FANCB: variants seen among roughly 807,000 people sequenced by gnomAD.
FANCB encodes the protein FA complementation group B.
FANCB carries 5 observed loss-of-function variants against 38.9 expected under a neutral mutation model. That is an observed-to-expected ratio of 0.13 (90% confidence interval 0.07 to 0.27). The LOEUF is 0.27. FANCB is among the 10% of genes least tolerant of loss of function. The probability of loss-of-function intolerance (pLI) is 1.00; values close to 1 mark genes in which losing one functional copy is unlikely to be tolerated. For missense variants in FANCB, 573 were observed against 602.7 expected (o/e 0.95, Z 0.52); for synonymous variants, 236 against 215.4 (o/e 1.10, Z -0.84).
At chrX:14,730,748 A>G in the FANCB span, 1 of 331,529 alleles carries the variant, frequency 3.0e-6, no homozygotes, top group East Asian at 5.5e-5. Context: ...TCTTTCAGTC[A>G]GACATGATAT....
the FANCB span, among the ~76,000 whole-genome samples, chrX:14,709,190 C>T: frequency 5.1e-4 from 57 of 110,964 alleles, no homozygotes; most frequent in African/African-American, 1.1e-3. Flanking sequence ...GCTATGATCA[C>T]GGCACTGCAC....
the FANCB span, among the ~76,000 whole-genome samples, chrX:14,700,082 C>T: frequency 2.7e-5 from 3 of 110,910 alleles, no homozygotes; most frequent in Non-Finnish European, 5.7e-5. Flanking sequence ...TACAACAGAC[C>T]CCCAGTTACA....
chrX:14,827,585 C>A, the FANCB span, among the ~76,000 whole-genome samples: 2 of 111,613 alleles, frequency 1.8e-5, no homozygotes, highest in Non-Finnish European at 3.8e-5. Context: ...ACCAAAGAAG[C>A]CACAGTGATG....
chrX:14,740,966 A>G, the FANCB span, among the ~76,000 whole-genome samples: 3 of 110,640 alleles, frequency 2.7e-5, no homozygotes, highest in Non-Finnish European at 5.7e-5. Context: ...ACATGCACAC[A>G]CACACACACG....
At chrX:14,860,589 A>T (rs2092442592) in intron 3 of FANCB, among the ~76,000 whole-genome samples, 1 of 112,546 alleles carries the variant, frequency 8.9e-6, no homozygotes, top group Admixed American at 9.4e-5. Flanking sequence ...AGCAGTAAAA[A>T]GATGAAATTT....
the FANCB span, among the ~76,000 whole-genome samples, chrX:14,697,561 C>T: frequency 1.8e-5 from 2 of 111,528 alleles, no homozygotes; most frequent in East Asian, 2.8e-4. Flanking sequence ...GGATAGCTTG[C>T]GGGAGGGGAG....
the FANCB span, among the ~76,000 whole-genome samples, chrX:14,768,569 T>C: frequency 1.3e-4 from 14 of 111,735 alleles, no homozygotes; most frequent in Non-Finnish European, 1.9e-4. Flanking sequence ...ATTTGAGACA[T>C]TGGGGTTTTC....
the FANCB span, among the ~76,000 whole-genome samples, chrX:14,724,626 C>CAAAAAAAAAAAAAAAAAAAA: frequency 1.6e-4 from 8 of 49,581 alleles, no homozygotes; most frequent in East Asian, 1.9e-3. Context: ...AACTCTGTCT[C>CAAAAAAAAAAAAAAAAAAAA]AAAAAAAAAA....
the FANCB span, chrX:14,690,706 T>C: frequency 4.3e-6 from 5 of 1,152,068 alleles, no homozygotes; most frequent in South Asian, 9.0e-5. Context: ...TCTCTCTCTC[T>C]CAGGTCTCCT....
At chrX:14,749,994 CA>C in the FANCB span, among the ~76,000 whole-genome samples, 1 of 112,029 alleles carries the variant, frequency 8.9e-6, no homozygotes, top group South Asian at 3.7e-4. Flanking sequence ...GCTTCCTTTA[CA>C]AAGAGCAAAG....
chrX:14,746,194 T>G, the FANCB span, among the ~76,000 whole-genome samples: 1 of 112,120 alleles, frequency 8.9e-6, no homozygotes, highest in Non-Finnish European at 1.9e-5. Flanking sequence ...CCAGAGAAAC[T>G]ATGCCAGCTG....
chrX:14,814,973 T>C, the FANCB span, among the ~76,000 whole-genome samples: 1 of 111,990 alleles, frequency 8.9e-6, no homozygotes, highest in Non-Finnish European at 1.9e-5. Context: ...ATATATACTA[T>C]GGAATACTAT....
the FANCB span, among the ~76,000 whole-genome samples, chrX:14,813,333 A>G: frequency 9.3e-6 from 1 of 107,274 alleles, no homozygotes; most frequent in East Asian, 2.9e-4. Context: ...AGGCAGGAGA[A>G]GGAAATAAAG....
chrX:14,693,076 C>A, the FANCB span, among the ~76,000 whole-genome samples: 2 of 107,961 alleles, frequency 1.9e-5, no homozygotes, highest in African/African-American at 6.7e-5. Flanking sequence ...GAATGCAGAA[C>A]CAGACAGACA....
At chrX:14,848,133 T>C (rs2092384537) in intron 7 of FANCB, among the ~76,000 whole-genome samples, 1 of 111,952 alleles carries the variant, frequency 8.9e-6, no homozygotes, top group Non-Finnish European at 1.9e-5. Flanking sequence ...TAGGTAATTG[T>C]AGGGAGACCC....
chrX:14,817,608 C>A, the FANCB span, among the ~76,000 whole-genome samples: 1 of 111,192 alleles, frequency 9.0e-6, no homozygotes, highest in Non-Finnish European at 1.9e-5. Flanking sequence ...CCATAAACAC[C>A]ACAATAACCC....
intron 5 of FANCB, among the ~76,000 whole-genome samples, chrX:14,854,250 GCCA>G (rs2092413945): frequency 9.0e-6 from 1 of 111,222 alleles, no homozygotes; most frequent in Non-Finnish European, 1.9e-5. Flanking sequence ...AAGGTATGTA[GCCA>G]CAACTGAGCT....
At chrX:14,730,941 CACACACACAA>C in the FANCB span, 25 of 78,092 alleles carry the variant, frequency 3.2e-4, no homozygotes, top group Admixed American at 3.2e-3. Flanking sequence ...CACACACACA[CACACACACAA>C]ACTTCAAAAA....
chrX:14,702,718 G>C, the FANCB span, among the ~76,000 whole-genome samples: 1 of 111,512 alleles, frequency 9.0e-6, no homozygotes, highest in Non-Finnish European at 1.9e-5. Context: ...CATTGCTTCT[G>C]GAGGGTTGTC....
Sources: gnomAD v4.1 joint callset for allele counts (sites outside exome capture counted in the v4.1 genomes callset) on GRCh38, gnomAD v4.1.1 for gene constraint, MANE v1.5 for transcripts, NCBI Gene and HGNC (gene_info 2026-07-23, HGNC 2026-07-21) for gene names.